Variants in LRRC49 observed in about 807,000 individuals in gnomAD.
LRRC49 encodes the protein leucine rich repeat containing 49, also known as leucine-rich repeat-containing protein 49.
Under a neutral mutation model 83.3 loss-of-function variants are expected in LRRC49, and 50 were observed. That is an observed-to-expected ratio of 0.60 (90% CI 0.48 to 0.76). LRRC49 has a LOEUF of 0.76. Ranked by LOEUF, LRRC49 falls within the 30% of genes least tolerant of loss-of-function variation. LRRC49 has a pLI of 0.00. For missense variants in LRRC49, 704 were observed against 809.1 expected (o/e 0.87, Z 1.58); for synonymous variants, 286 against 283.3 (o/e 1.01, Z -0.10).
chr15:71,018,091 CT>C (rs1013909082), intron 14 of LRRC49, among the ~76,000 whole-genome samples: 41 of 152,152 alleles, frequency 2.7e-4, no homozygotes, highest in Admixed American at 1.4e-3. Flanking sequence ...GGTAAATCTC[CT>C]GTTCTAACAT....
At chr15:70,854,995 C>T (rs2032616389) in intron 1 of LRRC49, among the ~76,000 whole-genome samples, 1 of 152,162 alleles carries the variant, frequency 6.6e-6, no homozygotes, top group Non-Finnish European at 1.5e-5. Flanking sequence ...AGTTCCATCT[C>T]ACCTCTCCAA....
At chr15:71,009,703 AG>A in intron 12 of LRRC49, 103 bp from the exon 13 acceptor site, 1 of 720,958 alleles carries the variant, frequency 1.4e-6, no homozygotes, top group Non-Finnish European at 2.2e-6. Context: ...CTAAGCCTAA[AG>A]TTTACATATT....
chr15:71,033,949 G>A (rs1596166064), intron 14 of LRRC49, among the ~76,000 whole-genome samples: 1 of 152,122 alleles, frequency 6.6e-6, no homozygotes, highest in African/African-American at 2.4e-5. Flanking sequence ...GAAAATCTAG[G>A]CAATACCATT....
chr15:70,858,975 C>A, intron 1 of LRRC49: 1 of 859,396 alleles, frequency 1.2e-6, no homozygotes, highest in Non-Finnish European at 2.0e-6. Flanking sequence ...CCAGGCTCTA[C>A]ACACCCAAAG....
In LRRC49 at chr15:71,037,164, A is replaced by G. The variant is rs1430176842; in HGVS notation, c.1704-15A>G. 6.3e-7 allele frequency: 1 copy of G among 1,581,582 alleles called. No homozygotes were observed. The highest frequency in any genetic ancestry group is 1.8e-5 in the Admixed American group (1 of 56,132). ...GATAAGTAACTCTCTAAATCTCTTTACTGTCTTTCTACAGGAAAAAGCAAT... is the reference window on the plus strand; with the variant it reads ...GATAAGTAACTCTCTAAATCTCTTTGCTGTCTTTCTACAGGAAAAAGCAAT... On this transcript the variant is annotated splice_polypyrimidine_tract_variant and intron_variant, in intron 14 of 15. Coordinates refer to ENST00000260382, the MANE Select transcript of LRRC49 (RefSeq NM_017691.5).
intron 15 of LRRC49, chr15:71,048,915 G>GT (rs1370025339): frequency 4.4e-6 from 2 of 452,546 alleles, no homozygotes; most frequent in Admixed American, 2.4e-5. Context: ...TCAAGGCTGC[G>GT]TAAGTCAGTG....
At position 70,904,617 on chromosome 15, in the gene LRRC49, A is replaced by G; in HGVS notation, c.362A>G (p.His121Arg). 3 of 1,613,654 alleles carry G rather than the reference A, an allele frequency of 1.9e-6. No homozygotes were observed. In the Middle Eastern group the frequency reaches 5.0e-4, roughly 267 times the overall value. The change falls in exon 5 of 16, where the codon CAC becomes CGC. Residue 121 changes from histidine to arginine, a missense_variant. His to Arg is a conservative substitution (Grantham distance 29). Coordinates refer to ENST00000260382, the MANE Select transcript of LRRC49 (RefSeq NM_017691.5). ...CACCTTCGTTTGTTGAACTTTCAAC[A>G]CAATTTTATAACTCGGATACAAAAT... ...EDHLRLLNFQHNFITRIQNIS... is the reference protein window; with the variant it reads ...EDHLRLLNFQRNFITRIQNIS...
chr15:70,909,501 T>G (rs2034456579), intron 5 of LRRC49, among the ~76,000 whole-genome samples: 1 of 152,122 alleles, frequency 6.6e-6, no homozygotes, highest in Admixed American at 6.5e-5. Flanking sequence ...CTGCAACTGT[T>G]GTAGGTATCT....
chr15:70,943,863 G>A (rs192203465), intron 8 of LRRC49, among the ~76,000 whole-genome samples: 1 of 152,204 alleles, frequency 6.6e-6, no homozygotes, highest in Admixed American at 6.5e-5. Flanking sequence ...TTATTTTAGA[G>A]AAACAGTGTA....
intron 7 of LRRC49, among the ~76,000 whole-genome samples, chr15:70,934,417 G>A (rs1006659426): frequency 6.6e-6 from 1 of 152,090 alleles, no homozygotes; most frequent in Non-Finnish European, 1.5e-5. Flanking sequence ...TCTGGAAAGG[G>A]TATCTATGTA....
intron 11 of LRRC49, among the ~76,000 whole-genome samples, chr15:70,990,672 G>C (rs2037842562): frequency 6.6e-6 from 1 of 152,176 alleles, no homozygotes; most frequent in Non-Finnish European, 1.5e-5. Flanking sequence ...GCACTCCCTA[G>C]TGAGATGAAC....
chr15:71,012,967 A>C, intron 14 of LRRC49, 54 bp downstream of exon 14: 1 of 1,138,742 alleles, frequency 8.8e-7, no homozygotes, highest in Non-Finnish European at 1.3e-6. Flanking sequence ...CTAGAAAAAG[A>C]AATAAATTCC....
At chr15:70,909,839 A>AACACAAAC (rs1555428441) in intron 5 of LRRC49, among the ~76,000 whole-genome samples, 1 of 136,090 alleles carries the variant, frequency 7.3e-6, no homozygotes, top group Non-Finnish European at 1.6e-5. Flanking sequence ...CTCCATCTCA[A>AACACAAAC]ACACACACAC....
intron 1 of LRRC49, among the ~76,000 whole-genome samples, chr15:70,871,429 C>T (rs2033033082): frequency 2.6e-5 from 4 of 152,228 alleles, no homozygotes; most frequent in Admixed American, 2.6e-4. Context: ...GACAAAACCC[C>T]CATCGTCATC....
intron 1 of LRRC49, among the ~76,000 whole-genome samples, chr15:70,871,362 G>A (rs966683815): frequency 1.3e-5 from 2 of 152,198 alleles, no homozygotes; most frequent in Non-Finnish European, 2.9e-5. Flanking sequence ...TTTCTACACA[G>A]ACACAGCAAC....
intron 5 of LRRC49, 30 bp downstream of exon 5, chr15:70,904,785 T>C: frequency 6.7e-7 from 1 of 1,496,174 alleles, no homozygotes; most frequent in Non-Finnish European, 9.3e-7. Flanking sequence ...TTTTGTAGCC[T>C]AATGTTATGT....
rs952399152 is a variant in LRRC49 at position 71,051,302 on chromosome 15, C to A, written c.*1690C>A. On this transcript the variant is annotated 3_prime_UTR_variant, in exon 16 of 16. Transcript: ENST00000260382. ...CCTGGCACACAGCAAACACCCAATA[C>A]GTTGAGCTTTAATTATTACTCTTTT... 1.3e-5 allele frequency: 2 copies of A among 152,216 alleles called. No homozygotes were observed. The highest frequency in any genetic ancestry group is 1.3e-4 in the Admixed American group (2 of 15,282). The allele number at this position is 152,216 out of a possible 1,614,324, so 9.4% of individuals were successfully genotyped here. A position where few individuals can be genotyped will look rare whatever the true frequency, so the allele number is the denominator to read the frequency against.
chr15:70,911,682 T>C, intron 6 of LRRC49, 84 bp downstream of exon 6: 1 of 813,612 alleles, frequency 1.2e-6, no homozygotes, highest in Non-Finnish European at 2.0e-6. Context: ...CATACTCGCA[T>C]TGAATTTTTC....
intron 9 of LRRC49, among the ~76,000 whole-genome samples, chr15:70,966,397 A>G (rs1427829134): frequency 6.6e-6 from 1 of 152,070 alleles, no homozygotes; most frequent in Non-Finnish European, 1.5e-5. Context: ...ACCTCACACT[A>G]TATTTGTTTC....
Sources: gnomAD v4.1 joint callset for allele counts (sites outside exome capture counted in the v4.1 genomes callset) on GRCh38, gnomAD v4.1.1 for gene constraint, MANE v1.5 for transcripts, NCBI Gene and HGNC (gene_info 2026-07-23, HGNC 2026-07-21) for gene names.